The following TPRG1 variants were observed in gnomAD, a reference collection of about 807,000 sequenced individuals.
The protein encoded by TPRG1 is tumor protein p63 regulated 1.
In TPRG1, 29 loss-of-function variants were observed where a neutral mutation model predicts 29.3. The ratio of observed to expected loss-of-function variants is 0.99; its 90% CI spans 0.74 to 1.35. TPRG1 has a LOEUF of 1.35. Among genes scored for constraint, TPRG1 ranks in the 40% most tolerant of loss-of-function variants. The pLI is 0.00. For missense variants in TPRG1, 327 were observed against 335.0 expected, an observed-to-expected ratio of 0.98 and a Z score of 0.19; for synonymous variants, 130 against 116.8, an observed-to-expected ratio of 1.11 and a Z score of -0.73.
intron 1 of TPRG1, among the ~76,000 whole-genome samples, chr3:189,111,662 C>A (rs557444858): frequency 6.6e-6 from 1 of 152,036 alleles, no homozygotes; most frequent in South Asian, 2.1e-4. Flanking sequence ...GTAACTTCAT[C>A]GTAATTTGAG....
At chr3:189,141,255 C>T (rs190013578) in intron 3 of TPRG1, among the ~76,000 whole-genome samples, 1 of 152,306 alleles carries the variant, frequency 6.6e-6, no homozygotes, top group African/African-American at 2.4e-5. Flanking sequence ...AAGAAACACA[C>T]ACAGACGGTG....
intron 1 of TPRG1, among the ~76,000 whole-genome samples, chr3:189,105,050 A>G (rs1252012336): frequency 1.3e-5 from 2 of 152,160 alleles, no homozygotes; most frequent in African/African-American, 2.4e-5. Context: ...AAGATTTCCA[A>G]TAAAATTTCT....
At chr3:189,239,750 T>C (rs1282733506) in intron 4 of TPRG1, among the ~76,000 whole-genome samples, 2 of 152,186 alleles carry the variant, frequency 1.3e-5, no homozygotes, top group African/African-American at 2.4e-5. Context: ...GCTCTTCTTA[T>C]AAAATGTCTC....
At chr3:189,019,139 A>G (rs1233602383) in intron 3 of TPRG1, among the ~76,000 whole-genome samples, 9 of 150,948 alleles carry the variant, frequency 6.0e-5, no homozygotes, top group East Asian at 3.9e-4. Flanking sequence ...GGGCTGAGAC[A>G]ATGGGGTTTT....
At chr3:189,072,041 T>C (rs1560426847) in intron 4 of TPRG1, among the ~76,000 whole-genome samples, 1 of 152,182 alleles carries the variant, frequency 6.6e-6, no homozygotes, top group Non-Finnish European at 1.5e-5. Flanking sequence ...ATGTTGGCCA[T>C]ACTGGGCCTT....
chr3:189,223,257 C>T (rs762864115), intron 3 of TPRG1, among the ~76,000 whole-genome samples: 19 of 152,168 alleles, frequency 1.2e-4, no homozygotes, highest in South Asian at 4.1e-4. Context: ...TGTGTCCTGC[C>T]TCCGTGTCCA....
chr3:189,236,218 A>G (rs80268278), intron 3 of TPRG1, among the ~76,000 whole-genome samples: 10,335 of 152,266 alleles, frequency 0.068, 517 homozygotes, highest in East Asian at 0.17. Flanking sequence ...AGCACTCTGT[A>G]TTCCTAAAAA....
At chr3:189,265,232 T>C (rs1713853253) in intron 4 of TPRG1, among the ~76,000 whole-genome samples, 2 of 152,160 alleles carry the variant, frequency 1.3e-5, no homozygotes, top group Admixed American at 6.5e-5. Context: ...GTTGTGGAAC[T>C]GGTAGTAAAG....
chr3:189,047,881 C>G (rs1223254335), intron 4 of TPRG1, among the ~76,000 whole-genome samples: 1 of 152,156 alleles, frequency 6.6e-6, no homozygotes, highest in Non-Finnish European at 1.5e-5. Context: ...GTTATTTTGT[C>G]ATTTCCAGCA....
At chr3:189,255,465 G>A (rs1711674782) in intron 4 of TPRG1, among the ~76,000 whole-genome samples, 2 of 152,198 alleles carry the variant, frequency 1.3e-5, no homozygotes, top group African/African-American at 4.8e-5. Context: ...GTTCATCAGG[G>A]ATATTGGCCT....
At chr3:189,213,306 TAAGA>T (rs1271982316) in intron 2 of TPRG1, among the ~76,000 whole-genome samples, 1 of 152,170 alleles carries the variant, frequency 6.6e-6, no homozygotes, top group Admixed American at 6.5e-5. Context: ...TGGATCCTCA[TAAGA>T]AAGGCTGAGA....
At chr3:189,259,425 G>A (rs148585084) in intron 4 of TPRG1, among the ~76,000 whole-genome samples, 4 of 119,958 alleles carry the variant, frequency 3.3e-5, no homozygotes, top group East Asian at 4.3e-4. Flanking sequence ...GCTGCAGGCT[G>A]GAGCTATTCC....
At chr3:189,128,451 A>G (rs549242260) in intron 2 of TPRG1, among the ~76,000 whole-genome samples, 1 of 152,370 alleles carries the variant, frequency 6.6e-6, no homozygotes, top group Non-Finnish European at 1.5e-5. Context: ...CCATAACATG[A>G]AACATATTTA....
intron 5 of TPRG1, among the ~76,000 whole-genome samples, chr3:189,159,238 T>C (rs906314683): frequency 6.6e-6 from 1 of 152,132 alleles, no homozygotes; most frequent in Non-Finnish European, 1.5e-5. Context: ...AAGACAGTTA[T>C]TTTTTTCAGG....
At chr3:189,305,808 A>G (rs114702546) in intron 4 of TPRG1, among the ~76,000 whole-genome samples, 15 of 152,276 alleles carry the variant, frequency 9.9e-5, no homozygotes, top group African/African-American at 3.4e-4. Flanking sequence ...ATCCATGACT[A>G]TTACAAACCT....
intron 4 of TPRG1, among the ~76,000 whole-genome samples, chr3:189,083,870 C>T (rs1336228864): frequency 6.6e-6 from 1 of 152,168 alleles, no homozygotes; most frequent in African/African-American, 2.4e-5. Context: ...GTAACACCTC[C>T]TGTTAGGGTT....
chr3:189,245,826 A>G (rs558271857), intron 4 of TPRG1, among the ~76,000 whole-genome samples: 173 of 152,144 alleles, frequency 1.1e-3, no homozygotes, highest in African/African-American at 4.0e-3. Context: ...CTTTTGCCTC[A>G]CATATTTTGA....
chr3:189,122,317 T>C (rs559227459), intron 1 of TPRG1, among the ~76,000 whole-genome samples: 1 of 152,328 alleles, frequency 6.6e-6, no homozygotes, highest in African/African-American at 2.4e-5. Context: ...CTCCACAAGA[T>C]GCATACCAGA....
intron 4 of TPRG1, among the ~76,000 whole-genome samples, chr3:189,084,290 T>G (rs929232089): frequency 6.6e-6 from 1 of 152,222 alleles, no homozygotes; most frequent in Non-Finnish European, 1.5e-5. Flanking sequence ...AAATGTGGCT[T>G]TATAAAGTAC....
Sources: allele counts gnomAD v4.1 joint callset (sites outside exome capture counted in the v4.1 genomes callset), GRCh38; gene constraint gnomAD v4.1.1; transcripts MANE v1.5; gene names NCBI Gene and HGNC (gene_info 2026-07-23, HGNC 2026-07-21).